SH3RF3: variants seen among roughly 807,000 people sequenced by gnomAD.
SH3RF3 encodes the protein SH3 domain containing ring finger 3, also known as E3 ubiquitin-protein ligase SH3RF3.
A neutral mutation model predicts 66.3 loss-of-function variants in SH3RF3; 29 were observed. The observed-to-expected ratio is 0.44, with a 90% confidence interval of 0.33 to 0.60. The LOEUF (loss-of-function observed/expected upper bound fraction) is 0.60, where lower values mean the gene tolerates loss of function less well. SH3RF3 is among the 20% of genes least tolerant of loss of function. SH3RF3 has a pLI of 0.04. For synonymous variants in SH3RF3, 583 were observed against 532.0 expected (o/e 1.10, Z -1.32); for missense variants, 1,194 against 1,190.9 (o/e 1.00, Z -0.04).
intron 4 of SH3RF3, among the ~76,000 whole-genome samples, chr2:109,403,265 G>A (rs934211869): frequency 5.9e-5 from 9 of 152,302 alleles, no homozygotes; most frequent in Middle Eastern, 3.4e-3. Flanking sequence ...TTAGGGGTGC[G>A]TCTGTAGTTT....
At chr2:109,254,898 G>A (rs921750622) in intron 1 of SH3RF3, among the ~76,000 whole-genome samples, 4 of 152,166 alleles carry the variant, frequency 2.6e-5, no homozygotes, top group Admixed American at 6.5e-5. Flanking sequence ...GAGACAGTAC[G>A]CTCCATGTGA....
At chr2:109,299,705 CAG>C (rs1436569128) in intron 1 of SH3RF3, among the ~76,000 whole-genome samples, 7 of 152,142 alleles carry the variant, frequency 4.6e-5, no homozygotes, top group African/African-American at 9.7e-5. Flanking sequence ...TCTAAATAAT[CAG>C]GGGGATAAAG....
intron 3 of SH3RF3, among the ~76,000 whole-genome samples, chr2:109,387,879 C>T (rs532648662): frequency 1.4e-4 from 21 of 152,176 alleles, no homozygotes; most frequent in South Asian, 8.3e-4. Flanking sequence ...TCTCCTCCCC[C>T]GGCCCATCCA....
chr2:109,392,295 A>G (rs570195968), intron 3 of SH3RF3, among the ~76,000 whole-genome samples: 64 of 152,330 alleles, frequency 4.2e-4, no homozygotes, highest in South Asian at 1.9e-3. Context: ...AGCAGATTCA[A>G]TGAGACATCT....
intron 1 of SH3RF3, among the ~76,000 whole-genome samples, chr2:109,303,885 A>G (rs1011181514): frequency 2.7e-4 from 41 of 152,214 alleles, no homozygotes; most frequent in African/African-American, 9.6e-4. Context: ...TGTTATTAAC[A>G]TTGTTATTAT....
At chr2:109,274,651 T>C (rs1462862761) in intron 1 of SH3RF3, among the ~76,000 whole-genome samples, 1 of 152,218 alleles carries the variant, frequency 6.6e-6, no homozygotes, top group Non-Finnish European at 1.5e-5. Context: ...GGAGCAGAAT[T>C]ACTTCACGGG....
At chr2:109,290,746 C>T (rs1681147005) in intron 1 of SH3RF3, among the ~76,000 whole-genome samples, 2 of 152,338 alleles carry the variant, frequency 1.3e-5, no homozygotes, top group South Asian at 4.1e-4. Context: ...TGCTGTTACA[C>T]CCATACCTTT....
chr2:109,391,456 A>G (rs1368095974), intron 3 of SH3RF3, among the ~76,000 whole-genome samples: 1 of 152,220 alleles, frequency 6.6e-6, no homozygotes, highest in Non-Finnish European at 1.5e-5. Flanking sequence ...TCACTCTGGC[A>G]GGGCCGGCGG....
intron 7 of SH3RF3, among the ~76,000 whole-genome samples, chr2:109,447,712 G>A (rs1047376089): frequency 1.3e-5 from 2 of 152,150 alleles, no homozygotes; most frequent in Non-Finnish European, 2.9e-5. Context: ...ATTTATTAAG[G>A]AGATAATTCC....
chr2:109,483,897 G>C (rs2104771462), intron 8 of SH3RF3, among the ~76,000 whole-genome samples: 2 of 152,102 alleles, frequency 1.3e-5, no homozygotes, highest in South Asian at 4.2e-4. Flanking sequence ...CACCTCTGCA[G>C]CCAGGGCCAC....
intron 1 of SH3RF3, among the ~76,000 whole-genome samples, chr2:109,182,937 C>G (rs929599928): frequency 6.6e-6 from 1 of 152,128 alleles, no homozygotes; most frequent in African/African-American, 2.4e-5. Context: ...TCCCATGAAT[C>G]TTTGACATTG....
At chr2:109,186,831 TC>T (rs1678200783) in intron 1 of SH3RF3, among the ~76,000 whole-genome samples, 4 of 152,144 alleles carry the variant, frequency 2.6e-5, no homozygotes, top group African/African-American at 9.7e-5. Flanking sequence ...CAGCCTCACC[TC>T]CCCAGCTATG....
At chr2:109,321,091 T>G (rs7601438) in intron 1 of SH3RF3, among the ~76,000 whole-genome samples, 46,541 of 152,154 alleles carry the variant, frequency 0.31, 8,715 homozygotes, top group African/African-American at 0.53. Flanking sequence ...TGATAATGAT[T>G]AGTGATAAGT....
intron 1 of SH3RF3, among the ~76,000 whole-genome samples, chr2:109,156,548 C>T (rs972653450): frequency 8.6e-5 from 13 of 151,910 alleles, no homozygotes; most frequent in African/African-American, 2.2e-4. Flanking sequence ...TGAGTTCAAG[C>T]GATTCTTCTG....
At chr2:109,155,527 T>A (rs1432614363) in intron 1 of SH3RF3, among the ~76,000 whole-genome samples, 1 of 152,120 alleles carries the variant, frequency 6.6e-6, no homozygotes, top group Non-Finnish European at 1.5e-5. Context: ...GGTCTCGATC[T>A]CCTGACCTCG....
chr2:109,433,820 G>A (rs753824509), intron 6 of SH3RF3, among the ~76,000 whole-genome samples: 3 of 152,194 alleles, frequency 2.0e-5, no homozygotes, highest in South Asian at 2.1e-4. Context: ...GAGATCCTTC[G>A]CTCAGGTGAT....
intron 7 of SH3RF3, among the ~76,000 whole-genome samples, chr2:109,443,145 T>G (rs1209428179): frequency 6.6e-6 from 1 of 152,274 alleles, no homozygotes; most frequent in Non-Finnish European, 1.5e-5. Flanking sequence ...CGTGCATGGG[T>G]GTGTACACAT....
chr2:109,484,664 C>T (rs1573290374), intron 8 of SH3RF3, among the ~76,000 whole-genome samples: 1 of 152,132 alleles, frequency 6.6e-6, no homozygotes, highest in African/African-American at 2.4e-5. Flanking sequence ...TTTTATTTTT[C>T]CCCTCTTAAA....
intron 4 of SH3RF3, among the ~76,000 whole-genome samples, chr2:109,410,182 G>A (rs1413190180): frequency 1.3e-5 from 2 of 152,240 alleles, no homozygotes; most frequent in Admixed American, 1.3e-4. Context: ...CGCGGCCACA[G>A]CACTGCAGCC....
Sources: gnomAD v4.1 joint callset for allele counts (sites outside exome capture counted in the v4.1 genomes callset) on GRCh38, gnomAD v4.1.1 for gene constraint, MANE v1.5 for transcripts, NCBI Gene and HGNC (gene_info 2026-07-23, HGNC 2026-07-21) for gene names.